The following TTL variants were observed in gnomAD, a reference collection of about 807,000 sequenced individuals.
The protein encoded by TTL is tubulin tyrosine ligase, also known as tubulin--tyrosine ligase.
Under a neutral mutation model 41.1 loss-of-function variants are expected in TTL, and 10 were observed. The ratio of observed to expected loss-of-function variants is 0.24; its 90% CI spans 0.15 to 0.41. The LOEUF (loss-of-function observed/expected upper bound fraction) is 0.41. TTL is among the 10% of genes least tolerant of loss of function. The pLI is 1.00. For missense variants in TTL, 367 were observed against 460.4 expected, an observed-to-expected ratio of 0.80 and a Z score of 1.86; for synonymous variants, 175 against 175.5, an observed-to-expected ratio of 1.00 and a Z score of 0.02.
chr2:112,514,920 T>G (rs1461813530), intron 5 of TTL, among the ~76,000 whole-genome samples: 1 of 152,236 alleles, frequency 6.6e-6, no homozygotes, highest in Non-Finnish European at 1.5e-5. Context: ...CTCATTCTTT[T>G]CGTCTGACAT....
chr2:112,514,491 C>T (rs1192619237), intron 5 of TTL, among the ~76,000 whole-genome samples: 1 of 151,894 alleles, frequency 6.6e-6, no homozygotes, highest in Non-Finnish European at 1.5e-5. Context: ...AGGACATTTG[C>T]TCTGGACATA....
chr2:112,486,130 C>T lies in TTL; in HGVS notation c.236+135C>T, dbSNP rs1041040003. ...ATCAGTTCAGAAGCTTCCTCTAAGC[C>T]GCTTTGGTTGCGGTCCAAAACATGG... On this transcript the variant is annotated intron_variant, in intron 2 of 6. Coordinates refer to ENST00000233336, the MANE Select transcript of TTL (RefSeq NM_153712.5). 5.9e-5 allele frequency: 51 copies of T among 857,980 alleles called. 2 individuals carry two copies. Among genetic ancestry groups the T allele is most frequent in the Admixed American group, 3.9e-4 (15 of 38,174 alleles). The allele number at this position is 857,980 out of a possible 1,614,324, so 53.1% of individuals were successfully genotyped here.
At chr2:112,485,801 C>A in intron 1 of TTL, 116 bp from the exon 2 acceptor site, 1 of 959,310 alleles carries the variant, frequency 1.0e-6, no homozygotes, top group Non-Finnish European at 1.6e-6. Flanking sequence ...TTCCATTTTC[C>A]ATTTTCTAAC....
intron 3 of TTL, among the ~76,000 whole-genome samples, chr2:112,494,837 C>G (rs1221415122): frequency 6.6e-6 from 1 of 152,174 alleles, no homozygotes; most frequent in Non-Finnish European, 1.5e-5. Flanking sequence ...TAGACTATTT[C>G]TTGCCGTTTC....
intron 5 of TTL, among the ~76,000 whole-genome samples, chr2:112,515,232 A>G (rs1020422617): frequency 6.6e-6 from 1 of 152,222 alleles, no homozygotes; most frequent in Non-Finnish European, 1.5e-5. Context: ...TATGGGCTGC[A>G]TATGGCCTGT....
chr2:112,519,266 G>T (rs531596638), intron 5 of TTL, among the ~76,000 whole-genome samples: 6 of 152,084 alleles, frequency 3.9e-5, no homozygotes, highest in Non-Finnish European at 8.8e-5. Context: ...TGCTTCCTAG[G>T]TGCCAGGAGT....
rs959302918 is a variant in TTL at position 112,482,752 on chromosome 2, C to G, written c.157+251C>G. Among the ~76,000 whole-genome samples, 45 of 152,210 alleles carry G rather than the reference C, an allele frequency of 3.0e-4. No individual in the cohort carries two copies. The highest frequency in any genetic ancestry group is 9.9e-4 in the African/African-American group (41 of 41,458). Reference sequence around the variant, plus strand: ...GCCGCAGCTACCTCCCGACGGTGACCGGTCCCTGCAGCCCGGGAGACGCTG... The same window carrying G: ...GCCGCAGCTACCTCCCGACGGTGACGGGTCCCTGCAGCCCGGGAGACGCTG... On this transcript the variant is annotated intron_variant, in intron 1 of 6. Coordinates refer to ENST00000233336, the MANE Select transcript of TTL (RefSeq NM_153712.5). The surrounding 1 kb of genome is among the most constrained non-coding windows in gnomAD (Gnocchi z 5.3).
At position 112,536,744 on chromosome 2, in the gene TTL, A is replaced by G. The variant is rs1682605806; in HGVS notation, c.*7949A>G. 6.6e-6 allele frequency: 1 copy of G among 152,096 alleles called. No homozygotes were observed. The highest frequency in any genetic ancestry group is 2.4e-5 in the African/African-American group (1 of 41,416). 9.4% of individuals were successfully genotyped at this position (152,096 alleles called of 1,614,324 possible). A position where few individuals can be genotyped will look rare whatever the true frequency, so the allele number is the denominator to read the frequency against. Reference sequence around the variant, plus strand: ...GCCATTTTTGTGTCCATGTGTATCTAATGTTTGGCTCCCACTTATGAGACT... The same window carrying G: ...GCCATTTTTGTGTCCATGTGTATCTGATGTTTGGCTCCCACTTATGAGACT... On this transcript the variant is annotated 3_prime_UTR_variant, in exon 7 of 7. Transcript: ENST00000233336.
At chr2:112,521,433 C>G (rs1378580529) in intron 6 of TTL, 15 of 870,718 alleles carry the variant, frequency 1.7e-5, no homozygotes, top group Non-Finnish European at 2.1e-5. Context: ...TGAAGATCCT[C>G]TTTCATGATG....
intron 2 of TTL, among the ~76,000 whole-genome samples, chr2:112,488,082 C>T (rs899925610): frequency 1.3e-5 from 2 of 152,120 alleles, no homozygotes; most frequent in African/African-American, 4.8e-5. Flanking sequence ...GGGTTCAGTG[C>T]AAGACCCTGT....
At chr2:112,493,298 G>A (rs1681441180) in intron 2 of TTL, among the ~76,000 whole-genome samples, 1 of 152,028 alleles carries the variant, frequency 6.6e-6, no homozygotes, top group South Asian at 2.1e-4. Flanking sequence ...CTGATTCCTG[G>A]GGAGTAAGAG....
chr2:112,529,880 T>G lies in TTL; in HGVS notation c.*1085T>G, dbSNP rs1029814740. On this transcript the variant is annotated 3_prime_UTR_variant, in exon 7 of 7. Transcript: ENST00000233336. The stretch of plus-strand genomic sequence containing the variant: ...GAAGTCTTCTAAAATGGGAAAGAAG[T>G]GGTTTCATCTCCACACAGTGTCTTG... The G allele has an allele frequency of 4.5e-6, 1 of 224,224 alleles. No individual in the cohort carries two copies. The highest frequency in any genetic ancestry group is 2.2e-5 in the African/African-American group (1 of 44,884). The allele number at this position is 224,224 out of a possible 1,614,324, so 13.9% of individuals were successfully genotyped here.
At chr2:112,525,069 T>C (rs928075613) in intron 6 of TTL, among the ~76,000 whole-genome samples, 5 of 152,210 alleles carry the variant, frequency 3.3e-5, no homozygotes, top group Non-Finnish European at 7.3e-5. Flanking sequence ...ATTTCTTGTT[T>C]TTATCAGGTT....
intron 3 of TTL, 98 bp from the exon 4 acceptor site, chr2:112,501,108 C>T: frequency 8.0e-7 from 1 of 1,249,300 alleles, no homozygotes; most frequent in Non-Finnish European, 1.1e-6. Flanking sequence ...CATTGAAAGC[C>T]TCTTGTGGGG....
intron 5 of TTL, among the ~76,000 whole-genome samples, chr2:112,503,805 C>CTTTTTT (rs70963002): frequency 3.4e-3 from 347 of 101,848 alleles, no homozygotes; most frequent in Middle Eastern, 7.4e-3. Flanking sequence ...CCGTAAACTT[C>CTTTTTT]TTTTTTTTTT....
rs1442512262 is a variant in TTL, at chr2:112,538,418, T to C, written c.*9623T>C. 6.6e-6 allele frequency: 1 copy of C among 152,228 alleles called. No individual in the cohort carries two copies. The highest frequency in any genetic ancestry group is 1.5e-5 in the Non-Finnish European group (1 of 68,044). The allele number at this position is 152,228 out of a possible 1,614,324, so 9.4% of individuals were successfully genotyped here. A position where few individuals can be genotyped will look rare whatever the true frequency, so the allele number is the denominator to read the frequency against. On this transcript the variant is annotated 3_prime_UTR_variant, in exon 7 of 7. Coordinates refer to ENST00000233336, the MANE Select transcript of TTL (RefSeq NM_153712.5). ...ATCCAGCAACATAGAAAAAGGATTA[T>C]ACATTATGACTAAGTGGGACTTATC...
intron 3 of TTL, among the ~76,000 whole-genome samples, chr2:112,496,659 ATGTGTCTG>A: frequency 8.2e-6 from 1 of 121,454 alleles, no homozygotes; most frequent in East Asian, 2.5e-4. Flanking sequence ...TTATATATAT[ATGTGTCTG>A]TGTGTGTGTG....
Position 112,489,476 on chromosome 2 carries a change from T to C in TTL, c.236+3481T>C, listed in dbSNP as rs534189761. Among the ~76,000 whole-genome samples, 177 of 152,358 alleles carry C rather than the reference T, an allele frequency of 1.2e-3. 1 individual carries two copies. Among genetic ancestry groups the C allele is most frequent in the Non-Finnish European group, 1.8e-3 (123 of 68,038 alleles). On this transcript the variant is annotated intron_variant, in intron 2 of 6. Transcript: ENST00000233336. ...TTTGACTATGAAGCAAAAGCTTATT[T>C]TCAAAATAATGTCCAAGTTAAGTAA...
chr2:112,520,236 C>T (rs1201082405), intron 5 of TTL, 46 bp from the exon 6 acceptor site: 2 of 1,606,336 alleles, frequency 1.2e-6, no homozygotes, highest in Non-Finnish European at 1.7e-6. Flanking sequence ...CTTCCTTCTC[C>T]TTTGACCACC....
Sources: gnomAD v4.1 joint callset for allele counts (sites outside exome capture counted in the v4.1 genomes callset) on GRCh38, gnomAD v4.1.1 for gene constraint, Gnocchi (gnomAD v3.1) non-coding constraint, MANE v1.5 for transcripts, NCBI Gene and HGNC (gene_info 2026-07-23, HGNC 2026-07-21) for gene names.